Variants in RANBP2 observed in about 807,000 individuals in gnomAD.
RANBP2 encodes E3 SUMO-protein ligase RanBP2.
In RANBP2, 57 loss-of-function variants were observed where a neutral mutation model predicts 303.6. The ratio of observed to expected loss-of-function variants is 0.19; its 90% CI spans 0.15 to 0.23. The LOEUF (loss-of-function observed/expected upper bound fraction) is 0.23, where lower values mean the gene tolerates loss of function less well. Ranked by LOEUF, RANBP2 falls within the 10% of genes least tolerant of loss-of-function variation. The pLI is 1.00. For missense variants in RANBP2, 3,138 were observed against 3,780.8 expected, an observed-to-expected ratio of 0.83 and a Z score of 4.46; for synonymous variants, 1,167 against 1,301.5, an observed-to-expected ratio of 0.90 and a Z score of 2.23.
chr2:109,582,294 A>C, the RANBP2 span, among the ~76,000 whole-genome samples: 2 of 152,154 alleles, frequency 1.3e-5, no homozygotes, highest in African/African-American at 4.8e-5. Flanking sequence ...TACCCAAAGC[A>C]ATCTACAGAC....
the RANBP2 span, among the ~76,000 whole-genome samples, chr2:108,817,186 C>G: frequency 1.3e-5 from 2 of 152,152 alleles, no homozygotes; most frequent in Admixed American, 1.3e-4. Context: ...ATCACACAAA[C>G]TTTTTAAACC....
At chr2:109,353,227 C>CT in the RANBP2 span, among the ~76,000 whole-genome samples, 4 of 152,230 alleles carry the variant, frequency 2.6e-5, no homozygotes, top group African/African-American at 9.6e-5. Context: ...GCCTGCCCAG[C>CT]TGCACTGGCC....
At chr2:109,296,783 G>C in the RANBP2 span, among the ~76,000 whole-genome samples, 1 of 152,308 alleles carries the variant, frequency 6.6e-6, no homozygotes, top group East Asian at 1.9e-4. Context: ...TGTGGGAATA[G>C]GCAGTGGTCA....
At chr2:108,965,514 T>A in the RANBP2 span, among the ~76,000 whole-genome samples, 2 of 150,672 alleles carry the variant, frequency 1.3e-5, no homozygotes, top group African/African-American at 4.9e-5. Flanking sequence ...CAGATACAGG[T>A]CTTTTGGGGA....
intron 21 of RANBP2, 37 bp from the exon 22 acceptor site, chr2:108,772,452 A>G (rs1237134455): frequency 6.3e-7 from 1 of 1,581,056 alleles, no homozygotes. Flanking sequence ...ACCCCCCAAA[A>G]TTAACTAGAA....
chr2:109,039,304 T>C, the RANBP2 span, among the ~76,000 whole-genome samples: 1 of 152,176 alleles, frequency 6.6e-6, no homozygotes, highest in Admixed American at 6.5e-5. Flanking sequence ...CTTACACACA[T>C]CCTATTGGTT....
the RANBP2 span, among the ~76,000 whole-genome samples, chr2:109,025,234 CT>C: frequency 6.6e-6 from 1 of 152,168 alleles, no homozygotes. Context: ...TGTGGACATA[CT>C]GCACTTTGTT....
At chr2:108,798,372 T>C in the RANBP2 span, 2 of 1,567,600 alleles carry the variant, frequency 1.3e-6, no homozygotes, top group South Asian at 1.2e-5. Context: ...AATAGGAATA[T>C]AATTTGCAGA....
chr2:108,799,885 G>A, the RANBP2 span, among the ~76,000 whole-genome samples: 1 of 151,450 alleles, frequency 6.6e-6, no homozygotes, highest in African/African-American at 2.4e-5. Context: ...TAATCTCCAT[G>A]TTGCTATTGA....
At chr2:109,266,122 T>G in the RANBP2 span, among the ~76,000 whole-genome samples, 1 of 150,600 alleles carries the variant, frequency 6.6e-6, no homozygotes, top group Non-Finnish European at 1.5e-5. Flanking sequence ...TGTATGTGTA[T>G]TCAGTGTGTT....
the RANBP2 span, among the ~76,000 whole-genome samples, chr2:109,252,948 C>T: frequency 1.3e-5 from 2 of 152,306 alleles, no homozygotes; most frequent in Admixed American, 1.3e-4. Context: ...TGTAGTCAAT[C>T]ACCCTATTCT....
the RANBP2 span, chr2:109,794,580 CGG>C: frequency 1.1e-6 from 1 of 899,516 alleles, no homozygotes; most frequent in Non-Finnish European, 1.3e-6. Flanking sequence ...TCGACCCGGC[CGG>C]GGGGCGGCGG....
chr2:109,378,070 G>A, the RANBP2 span, among the ~76,000 whole-genome samples: 14 of 152,290 alleles, frequency 9.2e-5, no homozygotes, highest in Admixed American at 2.6e-4. Context: ...TGGGCCAGGC[G>A]GGATGTGTTC....
rs3832087 is a variant in RANBP2, at chr2:108,719,906, GGCTTGTTCCCGAC to G, written c.72+243_72+255del. 5.2e-3 allele frequency among the ~76,000 whole-genome samples: 787 copies of G among 152,228 alleles called. 4 individuals are homozygous for G. The highest frequency in any genetic ancestry group is 0.011 in the African/African-American group (450 of 41,558). On this transcript the variant is annotated intron_variant, in intron 1 of 28. Coordinates refer to ENST00000283195, the MANE Select transcript of RANBP2 (RefSeq NM_006267.5). ...GGCGCCGGCGCTTCCTCTTTCTCCC[GGCTTGTTCCCGAC>G]GCTTGTTCCCGACGGTGCTCGCTCC...
rs745872124 is a variant in RANBP2, at chr2:108,783,947, T to C, written c.*46T>C. The C allele has an allele frequency of 6.6e-7, 1 of 1,525,860 alleles. No individual in the cohort carries two copies. 94.5% of individuals were successfully genotyped at this position (1,525,860 alleles called of 1,614,324 possible). A position where few individuals can be genotyped will look rare whatever the true frequency, so the allele number is the denominator to read the frequency against. On this transcript the variant is annotated 3_prime_UTR_variant, in exon 29 of 29. Coordinates refer to ENST00000283195, the MANE Select transcript of RANBP2 (RefSeq NM_006267.5). ...AATTTCATCTGTATAAGCAGTTGGA[T>C]TGAAGCTTAGCTATTACAATTTGAT...
the RANBP2 span, chr2:109,251,766 G>T: frequency 1.8e-6 from 1 of 550,228 alleles, no homozygotes; most frequent in Non-Finnish European, 3.2e-6. Context: ...ATAAACTTTT[G>T]TAATAGTCAA....
chr2:109,320,378 C>A, the RANBP2 span, among the ~76,000 whole-genome samples: 15 of 152,176 alleles, frequency 9.9e-5, no homozygotes, highest in Non-Finnish European at 1.5e-4. Context: ...GCAGGTACAA[C>A]GTTTGATCTC....
the RANBP2 span, among the ~76,000 whole-genome samples, chr2:109,610,469 C>G: frequency 6.6e-6 from 1 of 152,116 alleles, no homozygotes; most frequent in Non-Finnish European, 1.5e-5. Context: ...AATCCCAACA[C>G]TTCGGGAGAC....
chr2:109,611,266 AAGG>A, the RANBP2 span, among the ~76,000 whole-genome samples: 1 of 152,354 alleles, frequency 6.6e-6, no homozygotes, highest in East Asian at 1.9e-4. Flanking sequence ...TTTGGGATCT[AAGG>A]TTAGGCAAAG....
Sources: gnomAD v4.1 joint callset for allele counts (sites outside exome capture counted in the v4.1 genomes callset) on GRCh38, gnomAD v4.1.1 for gene constraint, MANE v1.5 for transcripts, NCBI Gene and HGNC (gene_info 2026-07-23, HGNC 2026-07-21) for gene names.